CSMD1: variants seen among roughly 807,000 people sequenced by gnomAD.
CSMD1 encodes the protein CUB and sushi domain-containing protein 1.
Under a neutral mutation model 417.5 loss-of-function variants are expected in CSMD1, and 213 were observed. That is an observed-to-expected ratio of 0.51 (90% CI 0.46 to 0.57). The LOEUF (loss-of-function observed/expected upper bound fraction) is 0.57, where lower values mean the gene tolerates loss of function less well. Among genes scored for constraint, CSMD1 ranks in the 20% least tolerant of loss-of-function variants. The probability of loss-of-function intolerance (pLI) is 0.00; values close to 1 mark genes in which losing one functional copy is unlikely to be tolerated. For synonymous variants in CSMD1, 2,862 were observed against 1,736.8 expected (o/e 1.65, Z -16.11); for missense variants, 6,923 against 4,529.7 (o/e 1.53, Z -15.17).
chr8:4,447,066 C>T (rs1268477208), intron 2 of CSMD1, among the ~76,000 whole-genome samples: 1 of 151,996 alleles, frequency 6.6e-6, no homozygotes, highest in Non-Finnish European at 1.5e-5. Context: ...GTCTGCGAGC[C>T]TAGCCTCAGT....
chr8:3,560,483 G>A (rs1488118943), intron 10 of CSMD1, among the ~76,000 whole-genome samples: 1 of 152,124 alleles, frequency 6.6e-6, no homozygotes, highest in Admixed American at 6.5e-5. Context: ...TTCTTCTCAT[G>A]CTGTATTAGT....
intron 1 of CSMD1, among the ~76,000 whole-genome samples, chr8:4,792,196 C>T (rs1404766115): frequency 6.6e-6 from 1 of 152,026 alleles, no homozygotes; most frequent in African/African-American, 2.4e-5. Flanking sequence ...GAAATAAACA[C>T]AATTAGCCAG....
intron 50 of CSMD1, among the ~76,000 whole-genome samples, chr8:3,050,047 G>C (rs1282189655): frequency 6.6e-6 from 1 of 151,448 alleles, no homozygotes; most frequent in Non-Finnish European, 1.5e-5. Context: ...ATTTAAAGTG[G>C]GTTTTCCTTT....
intron 3 of CSMD1, among the ~76,000 whole-genome samples, chr8:4,080,155 C>G (rs1291190135): frequency 1.3e-5 from 2 of 152,062 alleles, no homozygotes; most frequent in Non-Finnish European, 2.9e-5. Flanking sequence ...TTGCAATTTA[C>G]AAGCCATGCA....
At chr8:4,147,158 C>G (rs952924685) in intron 3 of CSMD1, among the ~76,000 whole-genome samples, 1 of 151,992 alleles carries the variant, frequency 6.6e-6, no homozygotes, top group African/African-American at 2.4e-5. Flanking sequence ...TCTTCTTCTA[C>G]TCTCCCCCCC....
At chr8:4,035,761 G>C (rs1222387187) in intron 3 of CSMD1, among the ~76,000 whole-genome samples, 4 of 152,100 alleles carry the variant, frequency 2.6e-5, no homozygotes, top group African/African-American at 9.7e-5. Flanking sequence ...AGTTTATGAA[G>C]TAACGTTATA....
chr8:3,830,725 G>A (rs1044314428), intron 5 of CSMD1, among the ~76,000 whole-genome samples: 2 of 152,096 alleles, frequency 1.3e-5, no homozygotes, highest in Admixed American at 1.3e-4. Flanking sequence ...TGAACTTTGT[G>A]TTTATTAAAA....
intron 3 of CSMD1, among the ~76,000 whole-genome samples, chr8:4,209,925 C>T (rs1031801099): frequency 3.9e-5 from 6 of 152,162 alleles, no homozygotes; most frequent in South Asian, 2.1e-4. Context: ...GCGGTGACCA[C>T]GTCTGGGTGT....
At chr8:4,338,762 C>T (rs1800314310) in intron 3 of CSMD1, among the ~76,000 whole-genome samples, 1 of 152,074 alleles carries the variant, frequency 6.6e-6, no homozygotes, top group African/African-American at 2.4e-5. Flanking sequence ...ATTAAATTCT[C>T]CTTGAACCCA....
At chr8:3,516,625 A>G (rs1797293005) in intron 10 of CSMD1, among the ~76,000 whole-genome samples, 1 of 152,182 alleles carries the variant, frequency 6.6e-6, no homozygotes, top group East Asian at 1.9e-4. Flanking sequence ...TTTTGTTGTT[A>G]TTGTTTTTAA....
intron 3 of CSMD1, among the ~76,000 whole-genome samples, chr8:4,387,776 A>T (rs959888731): frequency 6.6e-5 from 10 of 152,118 alleles, no homozygotes; most frequent in African/African-American, 2.2e-4. Context: ...AAGGCTTATG[A>T]GAATTAACAA....
At chr8:3,759,631 C>G (rs893159799) in intron 5 of CSMD1, among the ~76,000 whole-genome samples, 1 of 151,650 alleles carries the variant, frequency 6.6e-6, no homozygotes, top group Non-Finnish European at 1.5e-5. Context: ...CAGTGGCTCA[C>G]ACCTGTAATT....
intron 1 of CSMD1, among the ~76,000 whole-genome samples, chr8:4,840,426 T>C (rs1194516835): frequency 1.3e-5 from 2 of 152,204 alleles, no homozygotes; most frequent in African/African-American, 2.4e-5. Flanking sequence ...ACCACTTATA[T>C]GTTGAAGACT....
chr8:4,066,778 G>C (rs1035661684), intron 3 of CSMD1, among the ~76,000 whole-genome samples: 17 of 152,158 alleles, frequency 1.1e-4, no homozygotes, highest in Non-Finnish European at 1.9e-4. Flanking sequence ...AAAGGGGCGA[G>C]AAACGAATGC....
At chr8:4,976,842 CT>C (rs1226657388) in intron 1 of CSMD1, among the ~76,000 whole-genome samples, 2 of 152,084 alleles carry the variant, frequency 1.3e-5, no homozygotes, top group East Asian at 1.9e-4. Context: ...GTAAGTGCCA[CT>C]TTGGGGCAAC....
chr8:3,136,544 C>T (rs1024441032), intron 41 of CSMD1, among the ~76,000 whole-genome samples: 8 of 152,146 alleles, frequency 5.3e-5, no homozygotes, highest in African/African-American at 1.9e-4. Context: ...GGATTACAGA[C>T]ATGAGCCACC....
chr8:3,312,266 G>C (rs1454048389), intron 23 of CSMD1, among the ~76,000 whole-genome samples: 1 of 152,148 alleles, frequency 6.6e-6, no homozygotes, highest in Admixed American at 6.5e-5. Context: ...GAAGAATTAA[G>C]CCAAGTTATT....
chr8:3,736,460 G>A (rs373719400), intron 6 of CSMD1, among the ~76,000 whole-genome samples: 2 of 152,074 alleles, frequency 1.3e-5, no homozygotes, highest in African/African-American at 4.8e-5. Flanking sequence ...GTCCAGGCTT[G>A]TCTCGAAATC....
At chr8:3,061,510 G>A (rs1335389795) in intron 49 of CSMD1, among the ~76,000 whole-genome samples, 1 of 152,140 alleles carries the variant, frequency 6.6e-6, no homozygotes, top group African/African-American at 2.4e-5. Context: ...AATTTAGGAT[G>A]CACTCGAGCA....
Sources: gnomAD v4.1 joint callset for allele counts (sites outside exome capture counted in the v4.1 genomes callset) on GRCh38, gnomAD v4.1.1 for gene constraint, MANE v1.5 for transcripts, NCBI Gene and HGNC (gene_info 2026-07-23, HGNC 2026-07-21) for gene names.